UBE2N: variants seen among roughly 807,000 people sequenced by gnomAD.
The protein encoded by UBE2N is ubiquitin-conjugating enzyme E2 N.
For synonymous variants in UBE2N, 70 were observed against 69.2 expected (o/e 1.01, Z -0.06); for missense variants, 60 against 192.1 (o/e 0.31, Z 4.07).
At chr12:93,421,753 G>A (rs576845824) in intron 1 of UBE2N, among the ~76,000 whole-genome samples, 1 of 152,198 alleles carries the variant, frequency 6.6e-6, no homozygotes, top group East Asian at 1.9e-4. Context: ...ATTATCAGAT[G>A]GTAAACCATT....
intron 1 of UBE2N, among the ~76,000 whole-genome samples, chr12:93,427,361 T>G (rs1443805660): frequency 2.6e-5 from 4 of 152,242 alleles, no homozygotes; most frequent in African/African-American, 4.8e-5. Context: ...CTACCTTGCT[T>G]CCCTTCAGCA....
intron 1 of UBE2N, among the ~76,000 whole-genome samples, chr12:93,432,545 A>T (rs560354646): frequency 3.3e-5 from 5 of 152,172 alleles, no homozygotes; most frequent in African/African-American, 1.2e-4. Context: ...TAATCTTAAG[A>T]AAGTTACAGA....
chr12:93,439,867 AG>A (rs2121105399), intron 1 of UBE2N, among the ~76,000 whole-genome samples: 1 of 123,134 alleles, frequency 8.1e-6, no homozygotes, highest in South Asian at 3.0e-4. Context: ...CGTAAAATTA[AG>A]ATTATATATC....
At chr12:93,426,896 T>G (rs1878607989) in intron 1 of UBE2N, among the ~76,000 whole-genome samples, 1 of 152,042 alleles carries the variant, frequency 6.6e-6, no homozygotes, top group Admixed American at 6.6e-5. Context: ...GCTCATCGGC[T>G]ATCATTAGTG....
At chr12:93,438,206 C>G (rs914003450) in intron 1 of UBE2N, among the ~76,000 whole-genome samples, 3 of 152,104 alleles carry the variant, frequency 2.0e-5, no homozygotes, top group Admixed American at 1.3e-4. Flanking sequence ...GAGTCCCTAA[C>G]TTCATGAAGG....
intron 1 of UBE2N, among the ~76,000 whole-genome samples, chr12:93,418,815 C>G (rs1878303401): frequency 6.6e-6 from 1 of 152,036 alleles, no homozygotes; most frequent in African/African-American, 2.4e-5. Flanking sequence ...AACATGAAAT[C>G]AGTATGAAAT....
chr12:93,441,339 GCCCGGCCTGACCCT>G (rs1879101132), intron 1 of UBE2N: 2 of 153,074 alleles, frequency 1.3e-5, no homozygotes, highest in South Asian at 4.1e-4. Context: ...GCAGGGCCCC[GCCCGGCCTGACCCT>G]CCCGGTTCAT....
intron 3 of UBE2N, 29 bp from the exon 4 acceptor site, chr12:93,410,108 T>G (rs1444049746): frequency 1.2e-6 from 2 of 1,607,408 alleles, no homozygotes; most frequent in Non-Finnish European, 1.7e-6. Flanking sequence ...ATACGATTAT[T>G]ATTTTACTTA....
chr12:93,416,383 A>C (rs1283878382), intron 1 of UBE2N, among the ~76,000 whole-genome samples: 1 of 152,220 alleles, frequency 6.6e-6, no homozygotes, highest in Non-Finnish European at 1.5e-5. Context: ...GTGGAAAGAC[A>C]GAGTACAGTA....
At chr12:93,440,129 CATGA>C (rs1879057014) in intron 1 of UBE2N, among the ~76,000 whole-genome samples, 1 of 152,198 alleles carries the variant, frequency 6.6e-6, no homozygotes, top group African/African-American at 2.4e-5. Flanking sequence ...AGAGAATTAT[CATGA>C]ATGTCAACTT....
chr12:93,417,504 A>C (rs1307580153), intron 1 of UBE2N, among the ~76,000 whole-genome samples: 1 of 152,220 alleles, frequency 6.6e-6, no homozygotes, highest in African/African-American at 2.4e-5. Context: ...AAAAGTGCTA[A>C]TTTGTGTGTG....
chr12:93,441,703 G>A (rs904637112), intron 1 of UBE2N, 152 bp downstream of exon 1: 10 of 1,062,524 alleles, frequency 9.4e-6, no homozygotes, highest in Non-Finnish European at 1.3e-5. Flanking sequence ...CTCAGCACCC[G>A]ACTTCCCTCG....
intron 1 of UBE2N, among the ~76,000 whole-genome samples, chr12:93,420,339 A>G (rs917011182): frequency 7.2e-5 from 11 of 152,202 alleles, no homozygotes; most frequent in African/African-American, 2.4e-4. Flanking sequence ...GACCAGATCA[A>G]TATTTCTGTG....
chr12:93,441,403 T>G, intron 1 of UBE2N: 1 of 163,098 alleles, frequency 6.1e-6, no homozygotes. Context: ...CGCGGCCCCG[T>G]CGGGGCGGAG....
chr12:93,440,398 T>TC (rs1490387486), intron 1 of UBE2N, among the ~76,000 whole-genome samples: 20 of 152,310 alleles, frequency 1.3e-4, no homozygotes, highest in African/African-American at 4.6e-4. Context: ...ATTATTAGAC[T>TC]CCAGTGCTCC....
chr12:93,429,075 G>T (rs919544053), intron 1 of UBE2N, among the ~76,000 whole-genome samples: 1 of 152,042 alleles, frequency 6.6e-6, no homozygotes, highest in African/African-American at 2.4e-5. Context: ...TTCAAGATCA[G>T]CCTGACCAAC....
At chr12:93,414,206 T>G (rs1878124639) in intron 1 of UBE2N, among the ~76,000 whole-genome samples, 1 of 150,322 alleles carries the variant, frequency 6.7e-6, no homozygotes, top group African/African-American at 2.5e-5. Context: ...TCCCAGCATT[T>G]TGGGAGGCCG....
intron 1 of UBE2N, among the ~76,000 whole-genome samples, chr12:93,441,647 T>A (rs952275628): frequency 6.6e-6 from 1 of 151,824 alleles, no homozygotes; most frequent in Non-Finnish European, 1.5e-5. Flanking sequence ...GGGTCCCCGC[T>A]GTCCGGCTGC....
intron 1 of UBE2N, among the ~76,000 whole-genome samples, chr12:93,417,509 T>G (rs1878256636): frequency 6.6e-6 from 1 of 152,218 alleles, no homozygotes; most frequent in Non-Finnish European, 1.5e-5. Context: ...TGCTAATTTG[T>G]GTGTGAGAAA....
Sources: allele counts gnomAD v4.1 joint callset (sites outside exome capture counted in the v4.1 genomes callset), GRCh38; gene constraint gnomAD v4.1.1; transcripts MANE v1.5; gene names NCBI Gene and HGNC (gene_info 2026-07-23, HGNC 2026-07-21).